Variants in CNBD1 observed in about 807,000 individuals in gnomAD.
CNBD1 encodes cyclic nucleotide binding domain containing 1.
In CNBD1, 71 loss-of-function variants were observed where a neutral mutation model predicts 54.4. The observed-to-expected ratio is 1.30, with a 90% CI of 1.08 to 1.59. The LOEUF (loss-of-function observed/expected upper bound fraction) is 1.59, where lower values mean the gene tolerates loss of function less well. Among genes scored for constraint, CNBD1 ranks in the 40% most tolerant of loss-of-function variants. CNBD1 has a pLI of 0.00. For synonymous variants in CNBD1, 182 were observed against 170.7 expected, an observed-to-expected ratio of 1.07 and a Z score of -0.51; for missense variants, 659 against 518.0, an observed-to-expected ratio of 1.27 and a Z score of -2.64.
chr8:87,321,445 A>T (rs1809528394), intron 8 of CNBD1, among the ~76,000 whole-genome samples: 1 of 152,190 alleles, frequency 6.6e-6, no homozygotes, highest in Admixed American at 6.6e-5. Flanking sequence ...TGTAATAATT[A>T]GTGATACTGA....
chr8:87,406,817 TATCTCCATGGCTGCCC>T (rs936354720), intron 2 of CNBD1, among the ~76,000 whole-genome samples: 2 of 152,020 alleles, frequency 1.3e-5, no homozygotes, highest in African/African-American at 4.8e-5. Context: ...AGGTAAATAA[TATCTCCATGGCTGCCC>T]ATAGCCCACA....
chr8:87,195,364 G>T (rs1310200773), intron 4 of CNBD1, among the ~76,000 whole-genome samples: 2 of 151,198 alleles, frequency 1.3e-5, no homozygotes, highest in Admixed American at 6.6e-5. Context: ...AAATAACTGG[G>T]ATTACAGGTG....
chr8:86,928,946 C>A (rs556370949), intron 3 of CNBD1, among the ~76,000 whole-genome samples: 8 of 152,142 alleles, frequency 5.3e-5, no homozygotes, highest in Non-Finnish European at 8.8e-5. Flanking sequence ...TCATTAACCA[C>A]CCTGAGGGGA....
chr8:87,390,642 G>C (rs1416505468), intron 2 of CNBD1, among the ~76,000 whole-genome samples: 1 of 152,126 alleles, frequency 6.6e-6, no homozygotes, highest in Non-Finnish European at 1.5e-5. Flanking sequence ...CACTGTTGGT[G>C]GGACTATAAA....
In CNBD1 at chr8:87,301,277, A is replaced by C. The variant is rs1808983984; in HGVS notation, c.1042+14606A>C. ...CAGAATTCTACCAAACATTCAAAGA[A>C]TTGGTACTAATCCTTTTGAAACAAT... On this transcript the variant is annotated intron_variant, in intron 8 of 10. Coordinates refer to ENST00000518476, the MANE Select transcript of CNBD1 (RefSeq NM_173538.3). Among the ~76,000 whole-genome samples the C allele has an allele frequency of 2.0e-5, 3 of 152,114 alleles. No individual in the cohort carries two copies. In the South Asian group the frequency reaches 6.2e-4, roughly 32 times the overall value.
Position 87,107,931 on chromosome 8 carries a change from A to G in CNBD1, c.432-98062A>G, listed in dbSNP as rs184790454. On this transcript the variant is annotated intron_variant, in intron 4 of 10. Transcript: ENST00000518476. ...CTGTTATCAATTCATTTTAAACTGCATGTGTATCTATCTCTTCAAATAGTA... is the reference window on the plus strand; with the variant it reads ...CTGTTATCAATTCATTTTAAACTGCGTGTGTATCTATCTCTTCAAATAGTA... Among the ~76,000 whole-genome samples the G allele has an allele frequency of 2.6e-3, 400 of 152,304 alleles. 4 individuals are homozygous for G. Among genetic ancestry groups the G allele is most frequent in the African/African-American group, 9.0e-3 (373 of 41,584 alleles).
At chr8:86,942,587 G>A (rs1807357650) in intron 4 of CNBD1, among the ~76,000 whole-genome samples, 1 of 152,192 alleles carries the variant, frequency 6.6e-6, no homozygotes, top group Admixed American at 6.5e-5. Context: ...CTCAAGCTCT[G>A]TTAGCAACAC....
intron 10 of CNBD1, among the ~76,000 whole-genome samples, chr8:87,379,556 A>T (rs1208649552): frequency 6.6e-6 from 1 of 152,022 alleles, no homozygotes; most frequent in Non-Finnish European, 1.5e-5. Context: ...TTTAAAAAAA[A>T]TCCATGAGAA....
At chr8:86,973,696 A>T (rs570632430) in intron 4 of CNBD1, among the ~76,000 whole-genome samples, 10 of 152,310 alleles carry the variant, frequency 6.6e-5, no homozygotes, top group Non-Finnish European at 1.2e-4. Context: ...AAGTTGACAC[A>T]TTGCTTTTGT....
chr8:87,047,406 G>A (rs565228892), intron 4 of CNBD1, among the ~76,000 whole-genome samples: 56 of 152,176 alleles, frequency 3.7e-4, no homozygotes, highest in Non-Finnish European at 6.8e-4. Context: ...TTATTAAACT[G>A]AGCAAATTGT....
chr8:87,401,234 A>G (rs1307797049), intron 2 of CNBD1, among the ~76,000 whole-genome samples: 3 of 152,070 alleles, frequency 2.0e-5, no homozygotes, highest in African/African-American at 4.8e-5. Context: ...GAAATCAATA[A>G]ATCTAAATCT....
intron 4 of CNBD1, among the ~76,000 whole-genome samples, chr8:87,082,510 CT>C (rs1355478433): frequency 6.6e-6 from 1 of 152,180 alleles, no homozygotes; most frequent in African/African-American, 2.4e-5. Flanking sequence ...GTTTTGTTGT[CT>C]GCTTCACCTG....
At chr8:87,303,211 G>A (rs1243346381) in intron 8 of CNBD1, among the ~76,000 whole-genome samples, 1 of 151,440 alleles carries the variant, frequency 6.6e-6, no homozygotes, top group Non-Finnish European at 1.5e-5. Context: ...AAAGCTGGAG[G>A]CATCATGCTA....
At chr8:87,257,284 G>A (rs546271932) in intron 6 of CNBD1, among the ~76,000 whole-genome samples, 101 of 149,918 alleles carry the variant, frequency 6.7e-4, no homozygotes, top group African/African-American at 1.6e-3. Context: ...CAGGAGAATC[G>A]CTTGAATCCA....
chr8:86,995,699 T>C (rs1456654353), intron 4 of CNBD1, among the ~76,000 whole-genome samples: 1 of 151,536 alleles, frequency 6.6e-6, no homozygotes, highest in African/African-American at 2.4e-5. Context: ...GGTGTGTGTG[T>C]GTGTGTGTGT....
intron 4 of CNBD1, among the ~76,000 whole-genome samples, chr8:87,167,213 A>C (rs1195004864): frequency 1.3e-5 from 2 of 151,994 alleles, no homozygotes; most frequent in Admixed American, 1.3e-4. Flanking sequence ...TATAACAAAC[A>C]TTCTTTGTTT....
chr8:87,368,693 C>A (rs1416909227), intron 10 of CNBD1, among the ~76,000 whole-genome samples: 5 of 151,830 alleles, frequency 3.3e-5, no homozygotes, highest in African/African-American at 1.2e-4. Flanking sequence ...AAAGATAGCA[C>A]CTGCTTCTAT....
chr8:87,107,202 T>G (rs1378951139), intron 4 of CNBD1, among the ~76,000 whole-genome samples: 1 of 152,222 alleles, frequency 6.6e-6, no homozygotes, highest in African/African-American at 2.4e-5. Context: ...TTGGTTTTAT[T>G]CCCAAAATCT....
intron 5 of CNBD1, among the ~76,000 whole-genome samples, chr8:87,226,638 T>G (rs1311941267): frequency 2.6e-5 from 4 of 151,890 alleles, no homozygotes; most frequent in East Asian, 1.9e-4. Context: ...TTTTGCATTT[T>G]CTGAGGAGAG....
Sources: gnomAD v4.1 joint callset for allele counts (sites outside exome capture counted in the v4.1 genomes callset) on GRCh38, gnomAD v4.1.1 for gene constraint, MANE v1.5 for transcripts, NCBI Gene and HGNC (gene_info 2026-07-23, HGNC 2026-07-21) for gene names.